PRKAG2: variants seen among roughly 807,000 people sequenced by gnomAD.
PRKAG2 encodes 5'-AMP-activated protein kinase subunit gamma-2.
PRKAG2 carries 26 observed loss-of-function variants against 69.6 expected under a neutral mutation model. That is an observed-to-expected ratio of 0.37 (90% CI 0.27 to 0.52). The LOEUF is 0.52. PRKAG2 is among the 20% of genes least tolerant of loss of function. PRKAG2 has a pLI of 0.90. For synonymous variants in PRKAG2, 293 were observed against 285.0 expected, an observed-to-expected ratio of 1.03 and a Z score of -0.28; for missense variants, 557 against 740.0, an observed-to-expected ratio of 0.75 and a Z score of 2.87.
chr7:151,700,377 C>A (rs1038624432), intron 3 of PRKAG2, among the ~76,000 whole-genome samples: 3 of 152,076 alleles, frequency 2.0e-5, no homozygotes, highest in Non-Finnish European at 4.4e-5. Flanking sequence ...TCCAGGCCCC[C>A]ACCCCAGACC....
intron 3 of PRKAG2, among the ~76,000 whole-genome samples, chr7:151,732,093 A>C (rs1359983960): frequency 2.8e-5 from 4 of 144,566 alleles, no homozygotes; most frequent in Non-Finnish European, 4.5e-5. Context: ...GCCTCAACCT[A>C]CCAAAGTGTT....
chr7:151,740,280 G>T (rs1190957967), intron 3 of PRKAG2, among the ~76,000 whole-genome samples: 3 of 152,194 alleles, frequency 2.0e-5, no homozygotes, highest in Admixed American at 6.5e-5. Flanking sequence ...TCCCTGCAGG[G>T]TTGCTCTGGC....
chr7:151,724,990 T>C (rs538957202), intron 3 of PRKAG2, among the ~76,000 whole-genome samples: 148 of 152,170 alleles, frequency 9.7e-4, no homozygotes, highest in African/African-American at 3.3e-3. Flanking sequence ...CTCCCAACCC[T>C]GGCCTGTGGA....
chr7:151,673,838 C>CT (rs57744338), intron 4 of PRKAG2, among the ~76,000 whole-genome samples: 1,792 of 87,524 alleles, frequency 0.02, 40 homozygotes, highest in South Asian at 0.032. Flanking sequence ...AGCTTGTGTT[C>CT]TTTTTTTTTT....
intron 1 of PRKAG2, among the ~76,000 whole-genome samples, chr7:151,847,711 A>G (rs1334509982): frequency 1.3e-5 from 2 of 152,254 alleles, no homozygotes; most frequent in East Asian, 1.9e-4. Context: ...CCTTGCTCCC[A>G]GCCTGGGCAC....
intron 4 of PRKAG2, among the ~76,000 whole-genome samples, chr7:151,660,916 A>C (rs1830214663): frequency 6.6e-6 from 1 of 152,240 alleles, no homozygotes. Context: ...TGTAATACAC[A>C]TAGCATAGTT....
chr7:151,823,971 C>T lies in PRKAG2; in HGVS notation c.115-37430G>A, dbSNP rs569675696. Among the ~76,000 whole-genome samples, 15 of 152,240 alleles carry T rather than the reference C, an allele frequency of 9.9e-5. No homozygotes were observed. In the South Asian group the frequency reaches 1.7e-3, roughly 17 times the overall value. On this transcript the variant is annotated intron_variant, in intron 1 of 15. Coordinates refer to ENST00000287878, the MANE Select transcript of PRKAG2 (RefSeq NM_016203.4). ...GCACCCACCCACCTCACTGTAAAGA[C>T]GGGGAAACAGGCATAGAGAGAAAAT...
At chr7:151,783,912 CAAAAA>C (rs536105914) in intron 2 of PRKAG2, among the ~76,000 whole-genome samples, 6 of 28,950 alleles carry the variant, frequency 2.1e-4, no homozygotes, top group African/African-American at 4.7e-4. Context: ...GACCCTGTCT[CAAAAA>C]AAAAAAAAAA....
At chr7:151,605,616 A>C (rs1817336447) in intron 5 of PRKAG2, among the ~76,000 whole-genome samples, 1 of 151,186 alleles carries the variant, frequency 6.6e-6, no homozygotes. Context: ...GCATGCCTGT[A>C]ATCCCAGCTA....
intron 3 of PRKAG2, among the ~76,000 whole-genome samples, chr7:151,736,795 G>A (rs1799881454): frequency 6.6e-6 from 1 of 152,318 alleles, no homozygotes; most frequent in African/African-American, 2.4e-5. Context: ...TGCGTAATTT[G>A]AGCTCTGGAC....
chr7:151,689,517 C>A (rs1294252919), intron 3 of PRKAG2, among the ~76,000 whole-genome samples: 2 of 152,222 alleles, frequency 1.3e-5, no homozygotes, highest in African/African-American at 4.8e-5. Flanking sequence ...CATTCCCAAA[C>A]CTCCACTTTG....
At position 151,632,237 on chromosome 7, in the gene PRKAG2, G is replaced by A. The variant is rs940083593; in HGVS notation, c.685-99C>T. The A allele has an allele frequency of 2.8e-5, 30 of 1,087,060 alleles. No homozygotes were observed. The highest frequency in any genetic ancestry group is 5.3e-5 in the East Asian group (1 of 18,902). The allele number at this position is 1,087,060 out of a possible 1,614,324, so 67.3% of individuals were successfully genotyped here. A position where few individuals can be genotyped will look rare whatever the true frequency, so the allele number is the denominator to read the frequency against. The stretch of plus-strand genomic sequence containing the variant: ...CCGAGCGCTGGGGCCTGGCTCTGCC[G>A]CGCCGCCGGGAGGAGGGGCCTGGCA... On this transcript the variant is annotated intron_variant, in intron 4 of 15. Coordinates refer to ENST00000287878, the MANE Select transcript of PRKAG2 (RefSeq NM_016203.4). The surrounding 1 kb of genome is among the most constrained non-coding windows in gnomAD (Gnocchi z 4.2).
At position 151,675,498 on chromosome 7, in the gene PRKAG2, CTG is replaced by C; in HGVS notation, c.604_605del (p.Gln202GlufsTer70). On this transcript the variant is annotated frameshift_variant, in exon 4 of 16. Coordinates refer to ENST00000287878, the MANE Select transcript of PRKAG2 (RefSeq NM_016203.4). LOFTEE classifies it high-confidence loss of function. The part of the protein sequence containing the change: ...YASSSPPDTG[Q>X]RFCPSSFQSP... The stretch of plus-strand genomic sequence containing the variant: ...TCTGGAAGGAAGACGGGCAGAACCT[CTG>C]CCCTGTGTCCGGGGGGGAAGACGAG... The C allele has an allele frequency of 6.2e-7, 1 of 1,614,200 alleles. No homozygotes were observed. The highest frequency in any genetic ancestry group is 1.1e-5 in the South Asian group (1 of 91,084).
chr7:151,612,302 A>T (rs1819068499), intron 5 of PRKAG2, among the ~76,000 whole-genome samples: 1 of 152,136 alleles, frequency 6.6e-6, no homozygotes. Context: ...CCCTTCTTGC[A>T]GGGTGTTCCT....
At chr7:151,704,386 T>G (rs1838255294) in intron 3 of PRKAG2, among the ~76,000 whole-genome samples, 1 of 152,216 alleles carries the variant, frequency 6.6e-6, no homozygotes, top group African/African-American at 2.4e-5. Flanking sequence ...TTTTGTATTC[T>G]TTTGCTTCAG....
chr7:151,773,027 G>GAAAGAAAGAAAGAAAGAA (rs1563639348), intron 3 of PRKAG2, among the ~76,000 whole-genome samples: 1 of 29,034 alleles, frequency 3.4e-5, no homozygotes, highest in East Asian at 5.6e-4. Context: ...GAAAGAAAGA[G>GAAAGAAAGAAAGAAAGAA]AGAGAGAGAG....
intron 3 of PRKAG2, among the ~76,000 whole-genome samples, chr7:151,731,413 C>T (rs1158595702): frequency 6.6e-6 from 1 of 152,224 alleles, no homozygotes; most frequent in Non-Finnish European, 1.5e-5. Context: ...TGAACATTTC[C>T]AGCGACAGCC....
At chr7:151,854,863 C>A (rs11971588) in intron 1 of PRKAG2, among the ~76,000 whole-genome samples, 31,024 of 151,870 alleles carry the variant, frequency 0.2, 3,634 homozygotes, top group East Asian at 0.39. Flanking sequence ...CCTCGCAGCC[C>A]AGTTCCAGGA....
At chr7:151,763,863 A>G (rs1359897689) in intron 3 of PRKAG2, among the ~76,000 whole-genome samples, 1 of 152,222 alleles carries the variant, frequency 6.6e-6, no homozygotes, top group Non-Finnish European at 1.5e-5. Context: ...TTTGCAGCTG[A>G]CAGTGCCCTG....
Sources: gnomAD v4.1 joint callset for allele counts (sites outside exome capture counted in the v4.1 genomes callset) on GRCh38, gnomAD v4.1.1 for gene constraint, Gnocchi (gnomAD v3.1) non-coding constraint, MANE v1.5 for transcripts, NCBI Gene and HGNC (gene_info 2026-07-23, HGNC 2026-07-21) for gene names.